Variants in NCKAP5 observed in about 807,000 individuals in gnomAD.
NCKAP5 encodes NCK associated protein 5.
A neutral mutation model predicts 167.0 loss-of-function variants in NCKAP5; 92 were observed. The ratio of observed to expected loss-of-function variants is 0.55; its 90% CI spans 0.47 to 0.66. NCKAP5 has a LOEUF of 0.66. Ranked by LOEUF, NCKAP5 falls within the 30% of genes least tolerant of loss-of-function variation. The probability of loss-of-function intolerance (pLI) is 0.00; values close to 1 mark genes in which losing one functional copy is unlikely to be tolerated. For synonymous variants in NCKAP5, 891 were observed against 877.4 expected, an observed-to-expected ratio of 1.02 and a Z score of -0.27; for missense variants, 2,378 against 2,315.0, an observed-to-expected ratio of 1.03 and a Z score of -0.56.
chr2:133,397,811 G>A (rs1574878170), intron 3 of NCKAP5, among the ~76,000 whole-genome samples: 2 of 152,226 alleles, frequency 1.3e-5, no homozygotes, highest in East Asian at 3.8e-4. Flanking sequence ...ATAGGGCACT[G>A]CATGGGCTGG....
intron 4 of NCKAP5, among the ~76,000 whole-genome samples, chr2:133,286,585 G>T (rs1243234949): frequency 6.6e-6 from 1 of 152,168 alleles, no homozygotes; most frequent in African/African-American, 2.4e-5. Context: ...AAATCATAAA[G>T]TTAGTTAGAA....
intron 5 of NCKAP5, among the ~76,000 whole-genome samples, chr2:133,175,151 T>C (rs1188597552): frequency 6.6e-6 from 1 of 152,210 alleles, no homozygotes; most frequent in Non-Finnish European, 1.5e-5. Flanking sequence ...GGGTCATCTG[T>C]ATATAACTTT....
intron 4 of NCKAP5, among the ~76,000 whole-genome samples, chr2:133,217,839 A>C (rs2086497588): frequency 6.6e-6 from 1 of 152,138 alleles, no homozygotes; most frequent in Admixed American, 6.5e-5. Context: ...CTGCACACAT[A>C]TACCCTGATT....
At chr2:132,908,868 C>T (rs964852737) in intron 8 of NCKAP5, among the ~76,000 whole-genome samples, 3 of 152,096 alleles carry the variant, frequency 2.0e-5, no homozygotes, top group African/African-American at 4.8e-5. Context: ...TCTGAAATAT[C>T]GTAGTCTTTA....
chr2:133,368,173 T>C (rs773350107), intron 3 of NCKAP5, among the ~76,000 whole-genome samples: 45 of 152,358 alleles, frequency 3.0e-4, no homozygotes, highest in Non-Finnish European at 5.1e-4. Flanking sequence ...AAAAGGACTA[T>C]GTATACTTTA....
chr2:133,557,012 C>T (rs889804587), intron 2 of NCKAP5, among the ~76,000 whole-genome samples: 4 of 152,194 alleles, frequency 2.6e-5, no homozygotes, highest in East Asian at 1.9e-4. Flanking sequence ...GTGGTATCAT[C>T]CTTCCTGATA....
At position 132,687,572 on chromosome 2, in the gene NCKAP5, A is replaced by G. The variant is rs572961738; in HGVS notation, c.5714-14267T>C. ...TCAGTGGTAAAGAAGTTACTGGCAAAATGTCCCTTAAATATTCCTGTTGGG... is the reference window on the plus strand; with the variant it reads ...TCAGTGGTAAAGAAGTTACTGGCAAGATGTCCCTTAAATATTCCTGTTGGG... On this transcript the variant is annotated intron_variant, in intron 19 of 19. Transcript: ENST00000409261. 4.9e-4 allele frequency among the ~76,000 whole-genome samples: 75 copies of G among 152,228 alleles called. No homozygotes were observed. In the South Asian group the frequency reaches 5.2e-3, roughly 11 times the overall value.
intron 1 of NCKAP5, among the ~76,000 whole-genome samples, chr2:133,559,789 T>C (rs898261384): frequency 6.6e-6 from 1 of 152,186 alleles, no homozygotes; most frequent in African/African-American, 2.4e-5. Flanking sequence ...ACTGTCTGCA[T>C]TAATTGACTC....
At chr2:133,099,213 GA>G (rs923613224) in intron 6 of NCKAP5, among the ~76,000 whole-genome samples, 10 of 151,630 alleles carry the variant, frequency 6.6e-5, no homozygotes, top group South Asian at 2.1e-4. Flanking sequence ...AGAATATATA[GA>G]AAAAAAAGCT....
rs181622570 is a variant in NCKAP5 at position 133,378,635 on chromosome 2, G to A, written c.70-75525C>T. ...GGGAGCATCCCACAGCCAGGGAAAG[G>A]GTATTGAAGGGAAAGCAGTATCTGC... On this transcript the variant is annotated intron_variant, in intron 3 of 19. Transcript: ENST00000409261. Among the ~76,000 whole-genome samples, 492 of 152,228 alleles carry A rather than the reference G, an allele frequency of 3.2e-3. 3 individuals are homozygous for A. Among genetic ancestry groups the A allele is most frequent in the African/African-American group, 0.011 (469 of 41,524 alleles).
At position 132,785,292 on chromosome 2, in the gene NCKAP5, C is replaced by T; in HGVS notation, c.1519G>A (p.Val507Ile). 6.2e-7 allele frequency: 1 copy of T among 1,603,736 alleles called. No homozygotes were observed. The highest frequency in any genetic ancestry group is 8.5e-7 in the Non-Finnish European group (1 of 1,173,870). Residue 507 changes from valine (V) to isoleucine (I), a missense_variant, in exon 14 of 20, where the codon GTT becomes ATT. By Grantham distance (29) the Val-to-Ile change is conservative (BLOSUM62 3). Transcript: ENST00000409261. ...TCCCAGCCAAACAGACTGTCGGAAA[C>T]ACTGTGGGTTAATTTACTGCCATGT... The part of the protein sequence containing the change: ...RPHGSKLTHS[V>I]SDSLFGWETN...
At chr2:133,404,195 G>GA (rs746024561) in intron 3 of NCKAP5, among the ~76,000 whole-genome samples, 32 of 152,196 alleles carry the variant, frequency 2.1e-4, no homozygotes, top group Non-Finnish European at 3.8e-4. Flanking sequence ...TGACTGGGTA[G>GA]AAAATGAACA....
At chr2:133,576,581 G>C in the NCKAP5 span, among the ~76,000 whole-genome samples, 1 of 152,160 alleles carries the variant, frequency 6.6e-6, no homozygotes, top group South Asian at 2.1e-4. Context: ...AACATTCTGT[G>C]GGTGTCTACT....
At chr2:133,249,822 G>T (rs568697806) in intron 4 of NCKAP5, among the ~76,000 whole-genome samples, 1 of 152,026 alleles carries the variant, frequency 6.6e-6, no homozygotes, top group Admixed American at 6.6e-5. Flanking sequence ...GTTTGGGAAG[G>T]GCCCTAACCT....
intron 6 of NCKAP5, among the ~76,000 whole-genome samples, chr2:133,018,749 C>T (rs1159088951): frequency 6.6e-6 from 1 of 152,176 alleles, no homozygotes; most frequent in Non-Finnish European, 1.5e-5. Context: ...ATGCAGTTTG[C>T]TTTTGGCAGA....
chr2:133,192,955 C>G (rs2085291598), intron 5 of NCKAP5, among the ~76,000 whole-genome samples: 1 of 152,104 alleles, frequency 6.6e-6, no homozygotes, highest in South Asian at 2.1e-4. Context: ...ATGTTTACAG[C>G]AGTTTTATTC....
intron 3 of NCKAP5, among the ~76,000 whole-genome samples, chr2:133,500,058 C>T (rs1019779779): frequency 6.6e-6 from 1 of 152,038 alleles, no homozygotes; most frequent in Non-Finnish European, 1.5e-5. Flanking sequence ...AATCTAAAAT[C>T]TGAGTCATCT....
At chr2:133,365,150 G>A (rs1685373988) in intron 3 of NCKAP5, among the ~76,000 whole-genome samples, 1 of 151,426 alleles carries the variant, frequency 6.6e-6, no homozygotes, top group South Asian at 2.1e-4. Context: ...AACCTCATGA[G>A]AGTTTTGACT....
chr2:133,038,683 G>A (rs1220642955), intron 6 of NCKAP5, among the ~76,000 whole-genome samples: 1 of 151,992 alleles, frequency 6.6e-6, no homozygotes, highest in Non-Finnish European at 1.5e-5. Context: ...CATTCTCCAT[G>A]ACGTTTTTAT....
Sources: allele counts gnomAD v4.1 joint callset (sites outside exome capture counted in the v4.1 genomes callset), GRCh38; gene constraint gnomAD v4.1.1; transcripts MANE v1.5; gene names NCBI Gene and HGNC (gene_info 2026-07-23, HGNC 2026-07-21).